The following PLPPR1 variants were observed in gnomAD, a reference collection of about 807,000 sequenced individuals.
PLPPR1 encodes phospholipid phosphatase-related protein type 1.
Under a neutral mutation model 33.1 loss-of-function variants are expected in PLPPR1, and 10 were observed. That is an observed-to-expected ratio of 0.30 (90% CI 0.19 to 0.51). The LOEUF is 0.51. Among genes scored for constraint, PLPPR1 ranks in the 20% least tolerant of loss-of-function variants. PLPPR1 has a pLI of 0.97. For synonymous variants in PLPPR1, 151 were observed against 151.0 expected, an observed-to-expected ratio of 1.00 and a Z score of 0.00; for missense variants, 304 against 408.1, an observed-to-expected ratio of 0.74 and a Z score of 2.20.
At chr9:101,075,153 T>C (rs1457599392) in intron 1 of PLPPR1, among the ~76,000 whole-genome samples, 1 of 152,202 alleles carries the variant, frequency 6.6e-6, no homozygotes, top group Non-Finnish European at 1.5e-5. Flanking sequence ...TTGTTTGGGT[T>C]GAAAACTGAA....
At chr9:101,036,982 G>A (rs1399700076) in intron 1 of PLPPR1, among the ~76,000 whole-genome samples, 2 of 152,036 alleles carry the variant, frequency 1.3e-5, no homozygotes, top group Non-Finnish European at 2.9e-5. Flanking sequence ...CAAAATCTAT[G>A]CTTATCTTAT....
intron 1 of PLPPR1, among the ~76,000 whole-genome samples, chr9:101,099,939 T>C (rs1417954000): frequency 6.6e-6 from 1 of 152,106 alleles, no homozygotes; most frequent in Non-Finnish European, 1.5e-5. Flanking sequence ...ATAAATTGCT[T>C]CCCAGATCCA....
intron 1 of PLPPR1, among the ~76,000 whole-genome samples, chr9:101,069,072 G>C (rs1333956310): frequency 3.3e-5 from 5 of 151,772 alleles, no homozygotes; most frequent in Non-Finnish European, 5.9e-5. Flanking sequence ...CCTAGTGGCT[G>C]TTGTTATTTT....
At chr9:101,211,235 C>A (rs1338271513) in intron 2 of PLPPR1, among the ~76,000 whole-genome samples, 2 of 152,148 alleles carry the variant, frequency 1.3e-5, no homozygotes, top group African/African-American at 4.8e-5. Flanking sequence ...CAGGAGCTGT[C>A]CTAGTACTAT....
At chr9:101,065,426 A>C (rs1275631544) in intron 1 of PLPPR1, among the ~76,000 whole-genome samples, 1 of 152,142 alleles carries the variant, frequency 6.6e-6, no homozygotes, top group African/African-American at 2.4e-5. Flanking sequence ...CATTTGTGGA[A>C]AACAGCTTTT....
In PLPPR1 at chr9:101,180,139, T is replaced by C. The variant is rs1188844363; in HGVS notation, c.-45-5311T>C. On this transcript the variant is annotated intron_variant, in intron 1 of 7. Coordinates refer to ENST00000374874, the MANE Select transcript of PLPPR1 (RefSeq NM_207299.2). ...ATATATATATATATATATATATATA[T>C]ATATACACACACACACACACACATA... Among the ~76,000 whole-genome samples, 106 of 37,282 alleles carry C rather than the reference T, an allele frequency of 2.8e-3. 1 individual carries two copies. The highest frequency in any genetic ancestry group is 4.4e-3 in the Non-Finnish European group (85 of 19,250). The allele number at this position is 37,282 out of a possible 152,430, so 24.5% of individuals were successfully genotyped here. A position where few individuals can be genotyped will look rare whatever the true frequency, so the allele number is the denominator to read the frequency against.
In PLPPR1 at chr9:101,082,652, GTTTTAAAT is replaced by G. The variant is rs1830635077; in HGVS notation, c.-46+53553_-46+53560del. Among the ~76,000 whole-genome samples the G allele has an allele frequency of 2.6e-5, 4 of 152,214 alleles. No homozygotes were observed. In the South Asian group the frequency reaches 8.3e-4, roughly 32 times the overall value. On this transcript the variant is annotated intron_variant, in intron 1 of 7. Coordinates refer to ENST00000374874, the MANE Select transcript of PLPPR1 (RefSeq NM_207299.2). ...CTTGGCCACTCCTTACCTTTTCTGG[GTTTTAAAT>G]TTGGAACGATAATGCTGGTATACTG...
intron 1 of PLPPR1, among the ~76,000 whole-genome samples, chr9:101,163,359 C>T (rs1467569600): frequency 6.6e-6 from 1 of 152,168 alleles, no homozygotes; most frequent in Admixed American, 6.5e-5. Flanking sequence ...AAACAGTACA[C>T]ACATCAAAAA....
In PLPPR1 at chr9:101,312,889, G is replaced by C. The variant is rs1321150074; in HGVS notation, c.728G>C (p.Gly243Ala). 3.1e-6 allele frequency: 5 copies of C among 1,614,172 alleles called. No individual in the cohort carries two copies. The highest frequency in any genetic ancestry group is 3.4e-6 in the Non-Finnish European group (4 of 1,180,020). Residue 243 changes from glycine to alanine, a missense_variant, in exon 6 of 8, where the codon GGC (glycine) becomes GCC (alanine). Gly to Ala is a moderately conservative substitution (Grantham distance 60). Coordinates refer to ENST00000374874, the MANE Select transcript of PLPPR1 (RefSeq NM_207299.2). The part of the protein sequence containing the change: ...LGTLCTAFLT[G>A]LNRVSEYRNH... Reference sequence around the variant, plus strand: ...ACTCTCTGCACAGCCTTCCTGACAGGCCTCAACCGGGTCTCTGAGTATCGG... The same window carrying C: ...ACTCTCTGCACAGCCTTCCTGACAGCCCTCAACCGGGTCTCTGAGTATCGG...
At chr9:101,051,403 A>G (rs1476394031) in intron 1 of PLPPR1, among the ~76,000 whole-genome samples, 1 of 152,000 alleles carries the variant, frequency 6.6e-6, no homozygotes, top group Non-Finnish European at 1.5e-5. Context: ...TTATTCTGGC[A>G]CTCAATATCC....
intron 1 of PLPPR1, among the ~76,000 whole-genome samples, chr9:101,043,136 C>T (rs538667972): frequency 6.6e-6 from 1 of 152,146 alleles, no homozygotes; most frequent in Admixed American, 6.5e-5. Context: ...TTAGCTCCCA[C>T]TTATGAGTGA....
chr9:101,251,611 T>C (rs977690864), intron 2 of PLPPR1, among the ~76,000 whole-genome samples: 2 of 114,916 alleles, frequency 1.7e-5, no homozygotes, highest in African/African-American at 9.1e-5. Context: ...CATCCAAAGG[T>C]CTCCTTTTTT....
At chr9:101,291,924 G>C (rs903259006) in intron 4 of PLPPR1, among the ~76,000 whole-genome samples, 2 of 152,214 alleles carry the variant, frequency 1.3e-5, no homozygotes, top group African/African-American at 4.8e-5. Context: ...ACCAGCAACA[G>C]AACAAAGCTG....
intron 2 of PLPPR1, among the ~76,000 whole-genome samples, chr9:101,256,919 A>G (rs1339362381): frequency 1.3e-5 from 2 of 152,138 alleles, no homozygotes; most frequent in Admixed American, 1.3e-4. Flanking sequence ...AACACCCCCA[A>G]GACAAATAAA....
chr9:101,270,126 C>T (rs1383900032), intron 3 of PLPPR1, 58 bp downstream of exon 3: 2 of 1,547,642 alleles, frequency 1.3e-6, no homozygotes, highest in Middle Eastern at 1.8e-4. Context: ...TATTTTCTGT[C>T]TGCTTTTTCT....
At chr9:101,088,864 T>C (rs1259333403) in intron 1 of PLPPR1, among the ~76,000 whole-genome samples, 11 of 152,170 alleles carry the variant, frequency 7.2e-5, no homozygotes, top group Non-Finnish European at 8.8e-5. Flanking sequence ...ATAATGAAAT[T>C]ACAACATTAA....
chr9:101,089,504 A>G (rs148698422), intron 1 of PLPPR1, among the ~76,000 whole-genome samples: 5 of 152,308 alleles, frequency 3.3e-5, no homozygotes, highest in Admixed American at 1.3e-4. Context: ...AATGCTTGTC[A>G]TTGTTTAGAT....
intron 1 of PLPPR1, among the ~76,000 whole-genome samples, chr9:101,063,597 G>A (rs1438867399): frequency 1.3e-5 from 2 of 152,010 alleles, no homozygotes; most frequent in Non-Finnish European, 2.9e-5. Flanking sequence ...CACTCCTCAC[G>A]TATTAAGCTC....
intron 1 of PLPPR1, among the ~76,000 whole-genome samples, chr9:101,073,468 C>A (rs979743613): frequency 8.3e-6 from 1 of 120,066 alleles, no homozygotes; most frequent in African/African-American, 3.3e-5. Context: ...CAACCTAGAT[C>A]ATTTAATTTT....
Sources: gnomAD v4.1 joint callset for allele counts (sites outside exome capture counted in the v4.1 genomes callset) on GRCh38, gnomAD v4.1.1 for gene constraint, MANE v1.5 for transcripts, NCBI Gene and HGNC (gene_info 2026-07-23, HGNC 2026-07-21) for gene names.